The following ZG16B variants were observed in gnomAD, a reference collection of about 807,000 sequenced individuals.
ZG16B encodes zymogen granule protein 16B.
Under a neutral mutation model 7.0 loss-of-function variants are expected in ZG16B, and 8 were observed. The ratio of observed to expected loss-of-function variants is 1.15; its 90% confidence interval spans 0.68 to 2.08. The LOEUF is 2.08. Ranked by LOEUF, ZG16B falls within the 30% of genes most tolerant of loss-of-function variation. The pLI, the probability that ZG16B is intolerant of heterozygous loss-of-function variation, is 0.00. For missense variants in ZG16B, 232 were observed against 211.0 expected (o/e 1.10, Z -0.62); for synonymous variants, 92 against 86.1 (o/e 1.07, Z -0.38).
Position 2,831,974 on chromosome 16 carries a change from C to T in ZG16B, c.334C>T (p.Leu112Phe), listed in dbSNP as rs752110225. Residue 112 changes from leucine (L) to phenylalanine (F), a missense_variant, in exon 4 of 4, where the codon CTT becomes TTT. Physicochemically the swap from Leu to Phe is conservative, Grantham distance 22. Coordinates refer to ENST00000382280, the MANE Select transcript of ZG16B (RefSeq NM_145252.3). ...SKDRYFYFGK[L>F]DGQISSAYPS... Reference sequence around the variant, plus strand: ...GGACCGCTATTTCTATTTTGGGAAGCTTGATGGCCAGATCTCCTCTGCCTA... The same window carrying T: ...GGACCGCTATTTCTATTTTGGGAAGTTTGATGGCCAGATCTCCTCTGCCTA... 3.1e-6 allele frequency: 5 copies of T among 1,614,060 alleles called. No homozygotes were observed. In the African/African-American group the frequency reaches 5.3e-5, roughly 17 times the overall value.
intron 3 of ZG16B, chr16:2,831,259 T>C (rs563705745): frequency 4.3e-5 from 8 of 186,438 alleles, no homozygotes; most frequent in Non-Finnish European, 6.7e-5. Flanking sequence ...AGAAGCCCAA[T>C]AGCAGAGGAG....
In ZG16B at chr16:2,830,814, C is replaced by A; in HGVS notation, c.155+18C>A. On this transcript the variant is annotated intron_variant, in intron 3 of 3. Coordinates refer to ENST00000382280, the MANE Select transcript of ZG16B (RefSeq NM_145252.3). The stretch of plus-strand genomic sequence containing the variant: ...GTGAAAAGGTGAGTAGGGCTATGGT[C>A]ATGGGCCCAGCGCCATGTCCCCTCC... 4 of 1,612,792 alleles carry A rather than the reference C, an allele frequency of 2.5e-6. No individual in the cohort carries two copies. In the South Asian group the frequency reaches 3.3e-5, roughly 13 times the overall value.
At chr16:2,830,621 C>T (rs2069248698) in intron 2 of ZG16B, 73 bp from the exon 3 acceptor site, 2 of 1,599,968 alleles carry the variant, frequency 1.3e-6, no homozygotes, top group East Asian at 4.5e-5. Context: ...GGTGGGGTCC[C>T]CTGTTCTGGC....
Position 2,831,509 on chromosome 16 carries a change from G to A in ZG16B, c.156-287G>A, listed in dbSNP as rs957170082. On this transcript the variant is annotated intron_variant, in intron 3 of 3. Coordinates refer to ENST00000382280, the MANE Select transcript of ZG16B (RefSeq NM_145252.3). ...GTGCCTTCTGGGTCACGGAGACCTG[G>A]CGCTGCACGCAGCTCTCCTCACCAG... Among the ~76,000 whole-genome samples, 11 of 152,202 alleles carry A rather than the reference G, an allele frequency of 7.2e-5. No individual in the cohort carries two copies. The South Asian group carries it at 1.4e-3, about 20-fold the overall frequency.
Position 2,832,148 on chromosome 16 carries a change from G to T in ZG16B, c.508G>T (p.Val170Leu). The change falls in exon 4 of 4, where the codon GTG (valine) becomes TTG (leucine). Residue 170 changes from valine (V) to leucine (L), a missense_variant. Coordinates refer to ENST00000382280, the MANE Select transcript of ZG16B (RefSeq NM_145252.3). ...VNLTYSANSP[V>L]GR ...TCTCACATACTCAGCAAACTCACCCGTGGGTCGCTAGGGTGGGGTATGGGG... is the reference window on the plus strand; with the variant it reads ...TCTCACATACTCAGCAAACTCACCCTTGGGTCGCTAGGGTGGGGTATGGGG... 6.2e-7 allele frequency: 1 copy of T among 1,611,770 alleles called. No individual in the cohort carries two copies. Among genetic ancestry groups the T allele is most frequent in the Non-Finnish European group, 8.5e-7 (1 of 1,178,180 alleles).
intron 2 of ZG16B, 83 bp from the exon 3 acceptor site, chr16:2,830,611 G>A: frequency 6.3e-7 from 1 of 1,593,566 alleles, no homozygotes; most frequent in East Asian, 2.2e-5. Context: ...TGCCTGGAGG[G>A]GTGGGGTCCC....
intron 3 of ZG16B, 71 bp from the exon 4 acceptor site, chr16:2,831,725 G>A: frequency 6.5e-7 from 1 of 1,541,504 alleles, no homozygotes; most frequent in Non-Finnish European, 8.7e-7. Flanking sequence ...AAGGAGGATG[G>A]GGGCGCTGAG....
In ZG16B at chr16:2,832,166, G is replaced by C; in HGVS notation, c.*7G>C. 6.8e-6 allele frequency: 11 copies of C among 1,607,818 alleles called. No homozygotes were observed. Among genetic ancestry groups the C allele is most frequent in the Non-Finnish European group, 9.4e-6 (11 of 1,175,450 alleles). ...CTCACCCGTGGGTCGCTAGGGTGGG[G>C]TATGGGGCCATCCGAGCTGAGGCCA... is the stretch of plus-strand genomic sequence containing the variant. On this transcript the variant is annotated 3_prime_UTR_variant, in exon 4 of 4. Transcript: ENST00000382280.
At chr16:2,831,748 G>A (rs776173285) in intron 3 of ZG16B, 48 bp from the exon 4 acceptor site, 5 of 1,573,844 alleles carry the variant, frequency 3.2e-6, no homozygotes, top group Non-Finnish European at 4.3e-6. Context: ...CCCGGGATGT[G>A]CTGGGCCATC....
chr16:2,831,998 T>C lies in ZG16B; in HGVS notation c.358T>C (p.Tyr120His). ...GCTTGATGGCCAGATCTCCTCTGCCTACCCCAGCCAAGAGGGGCAGGTGCT... is the reference window on the plus strand; with the variant it reads ...GCTTGATGGCCAGATCTCCTCTGCCCACCCCAGCCAAGAGGGGCAGGTGCT... ...GKLDGQISSAYPSQEGQVLVG... is the reference protein window; with the variant it reads ...GKLDGQISSAHPSQEGQVLVG... Residue 120 changes from tyrosine (Y) to histidine (H), a missense_variant, in exon 4 of 4, where the codon TAC becomes CAC. Transcript: ENST00000382280. 1 of 1,614,188 alleles carries C rather than the reference T, an allele frequency of 6.2e-7. No individual in the cohort carries two copies.
chr16:2,830,871 G>C, intron 3 of ZG16B, 75 bp downstream of exon 3: 1 of 1,518,262 alleles, frequency 6.6e-7, no homozygotes, highest in Non-Finnish European at 9.1e-7. Context: ...CAGGGCAGGG[G>C]GTAAGCACCC....
chr16:2,831,822 G>A lies in ZG16B; in HGVS notation c.182G>A (p.Trp61Ter). ...KSVQVKLGDS[W>*]DVKLGALGGN... The stretch of plus-strand genomic sequence containing the variant: ...GTCCAGGTGAAACTTGGAGACTCCT[G>A]GGACGTGAAACTGGGAGCCTTAGGT... Residue 61 changes from tryptophan (W) to a stop codon, truncating the protein, a stop_gained, in exon 4 of 4, where the codon TGG (tryptophan) becomes TAG (stop). Transcript: ENST00000382280. LOFTEE classifies it low-confidence loss of function (END_TRUNC). The A allele has an allele frequency of 6.2e-7, 1 of 1,613,810 alleles. No individual in the cohort carries two copies. The highest frequency in any genetic ancestry group is 1.1e-5 in the South Asian group (1 of 91,056).
Position 2,830,795 on chromosome 16 carries a change from AG to A in ZG16B, c.155+1del, listed in dbSNP as rs1193820416. ...RVSVGLLLVKSVQVKLGDSWD... is the reference protein window; with the variant it reads ...RVSVGLLLVKXVQVKLGDSWD... ...GTCTGTAGGTCTTCTCCTGGTGAAA[AG>A]GTGAGTAGGGCTATGGTCATGGGCC... On this transcript the variant is annotated frameshift_variant and splice_region_variant, in exon 3 of 4. Transcript: ENST00000382280. LOFTEE classifies it low-confidence loss of function (END_TRUNC). 6.2e-7 allele frequency: 1 copy of A among 1,613,910 alleles called. No homozygotes were observed. Among genetic ancestry groups the A allele is most frequent in the African/African-American group, 1.3e-5 (1 of 74,904 alleles).
At chr16:2,830,851 T>C in intron 3 of ZG16B, 55 bp downstream of exon 3, 2 of 1,596,222 alleles carry the variant, frequency 1.3e-6, no homozygotes, top group South Asian at 2.2e-5. Context: ...ATCCCACAGT[T>C]TCAGGAACTC....
At position 2,830,320 on chromosome 16, in the gene ZG16B, A is replaced by G; in HGVS notation, c.-36A>G. The G allele has an allele frequency of 6.2e-7, 1 of 1,613,336 alleles. No homozygotes were observed. On this transcript the variant is annotated 5_prime_UTR_variant, in exon 1 of 4. Coordinates refer to ENST00000382280, the MANE Select transcript of ZG16B (RefSeq NM_145252.3). ...GCCCGGCACAACCAGACGCCCAGTC[A>G]CAGGCGAGGTAAGGTGCTTGGCTCC...
At chr16:2,830,568 C>T in intron 2 of ZG16B, 75 bp downstream of exon 2, 1 of 1,581,488 alleles carries the variant, frequency 6.3e-7, no homozygotes, top group Non-Finnish European at 8.6e-7. Context: ...GGCCCTTGTC[C>T]CAGACTAACT....
At chr16:2,830,527 G>A (rs2069246891) in intron 2 of ZG16B, 34 bp downstream of exon 2, 2 of 1,592,020 alleles carry the variant, frequency 1.3e-6, no homozygotes, top group Admixed American at 3.5e-5. Context: ...AATCTCCCCT[G>A]CCTCCCTCCA....
chr16:2,831,647 G>C (rs1344944330), intron 3 of ZG16B, 149 bp from the exon 4 acceptor site: 2 of 1,192,800 alleles, frequency 1.7e-6, no homozygotes, highest in East Asian at 2.4e-5. Flanking sequence ...GTAGAATCAG[G>C]GTTGGTGACC....
Position 2,831,986 on chromosome 16 carries a change from A to G in ZG16B, c.346A>G (p.Ile116Val). The G allele has an allele frequency of 2.5e-6, 4 of 1,614,140 alleles. No individual in the cohort carries two copies. The highest frequency in any genetic ancestry group is 2.2e-5 in the South Asian group (2 of 91,076). Residue 116 changes from isoleucine to valine, a missense_variant, in exon 4 of 4, where the codon ATC (isoleucine) becomes GTC (valine). Ile to Val is a conservative substitution (Grantham distance 29). Coordinates refer to ENST00000382280, the MANE Select transcript of ZG16B (RefSeq NM_145252.3). ...CTATTTTGGGAAGCTTGATGGCCAG[A>G]TCTCCTCTGCCTACCCCAGCCAAGA... ...YFYFGKLDGQ[I>V]SSAYPSQEGQ...
Sources: gnomAD v4.1 joint callset for allele counts (sites outside exome capture counted in the v4.1 genomes callset) on GRCh38, gnomAD v4.1.1 for gene constraint, MANE v1.5 for transcripts, NCBI Gene and HGNC (gene_info 2026-07-23, HGNC 2026-07-21) for gene names.